Variants in ZNF597 observed in about 807,000 individuals in gnomAD.
ZNF597 encodes the protein zinc finger protein 597.
ZNF597 carries 5 observed loss-of-function variants against 7.3 expected under a neutral mutation model. That is an observed-to-expected ratio of 0.68 (90% CI 0.36 to 1.44). The LOEUF is 1.44. Ranked by LOEUF, ZNF597 falls within the 40% of genes most tolerant of loss-of-function variation. The probability of loss-of-function intolerance (pLI) is 0.04; values close to 1 mark genes in which losing one functional copy is unlikely to be tolerated. For synonymous variants in ZNF597, 209 were observed against 185.4 expected, an observed-to-expected ratio of 1.13 and a Z score of -1.04; for missense variants, 585 against 517.9, an observed-to-expected ratio of 1.13 and a Z score of -1.26.
chr16:3,443,166 G>T lies in ZNF597; in HGVS notation c.-13C>A, dbSNP rs2034418813. ...GCATGGACGCCATTTGGCGGGTGGG[G>T]AATGCCTTCTTCAAGACGCCACAGG... On this transcript the variant is annotated 5_prime_UTR_variant, in exon 2 of 4. Transcript: ENST00000301744. 6.2e-7 allele frequency: 1 copy of T among 1,611,888 alleles called. No homozygotes were observed. The highest frequency in any genetic ancestry group is 1.3e-5 in the African/African-American group (1 of 74,838).
rs368913525 is a variant in ZNF597, at chr16:3,440,255, G to A, written c.160+552C>T. On this transcript the variant is annotated intron_variant, in intron 3 of 3. Coordinates refer to ENST00000301744, the MANE Select transcript of ZNF597 (RefSeq NM_152457.3). ...GATTTCCCAAGTAAAATTGTAAACT[G>A]CAACAAATGTTTGTGAAAGATTACC... 2.0e-5 allele frequency among the ~76,000 whole-genome samples: 3 copies of A among 152,316 alleles called. No homozygotes were observed. In the East Asian group the frequency reaches 5.8e-4, roughly 29 times the overall value.
At chr16:3,443,313 G>A in intron 1 of ZNF597, 47 bp downstream of exon 1, 1 of 657,072 alleles carries the variant, frequency 1.5e-6, no homozygotes. Context: ...AAAAACCTAC[G>A]CCGACTGCTC....
In ZNF597 at chr16:3,436,865, A is replaced by G. The variant is rs774292995; in HGVS notation, c.834T>C (p.Asn278=). The change falls in exon 4 of 4, where the codon AAT becomes AAC. Residue 278 remains asparagine, a synonymous_variant. Coordinates refer to ENST00000301744, the MANE Select transcript of ZNF597 (RefSeq NM_152457.3). ...YESTNCDKHF[N]EKPNLALPEE... ...CAGGCAAAGCAAGATTTGGTTTCTCATTAAAATGTTTATCACAGTTAGTAG... is the reference window on the plus strand; with the variant it reads ...CAGGCAAAGCAAGATTTGGTTTCTCGTTAAAATGTTTATCACAGTTAGTAG... The G allele has an allele frequency of 1.7e-5, 28 of 1,614,198 alleles. No individual in the cohort carries two copies. The South Asian group carries it at 3.0e-4, about 17-fold the overall frequency.
chr16:3,437,158 C>G lies in ZNF597; in HGVS notation c.541G>C (p.Glu181Gln). The change falls in exon 4 of 4, where the codon GAG becomes CAG. Residue 181 changes from glutamate to glutamine, a missense_variant. By Grantham distance (29) the Glu-to-Gln change is conservative. Transcript: ENST00000301744. ...CAGTCACCACATTTATGTTTTTTCT[C>G]TCCTGAATGAATTTTCTGATGCAAA... The part of the protein sequence containing the change: ...LVLHQKIHSG[E>Q]KKHKCGDCGK... 1 of 1,614,152 alleles carries G rather than the reference C, an allele frequency of 6.2e-7. No individual in the cohort carries two copies. The highest frequency in any genetic ancestry group is 8.5e-7 in the Non-Finnish European group (1 of 1,180,022).
rs2034358648 is a variant in ZNF597, at chr16:3,440,791, A to G, written c.160+16T>C. 6.2e-7 allele frequency: 1 copy of G among 1,612,370 alleles called. No individual in the cohort carries two copies. On this transcript the variant is annotated intron_variant, in intron 3 of 3. Transcript: ENST00000301744. ...ATTGACAAAAGTTCCAGATGCAGGA[A>G]AAACAATTGCCTTACCCATCAAAGC...
At chr16:3,440,408 G>C (rs947207911) in intron 3 of ZNF597, among the ~76,000 whole-genome samples, 7 of 152,158 alleles carry the variant, frequency 4.6e-5, no homozygotes, top group Non-Finnish European at 1.0e-4. Flanking sequence ...GGCCGAGGCG[G>C]GTGATCACAA....
rs991344032 is a variant in ZNF597 at position 3,433,669 on chromosome 16, T to TA, written c.*2754dup. 6.6e-6 allele frequency: 1 copy of TA among 152,212 alleles called. No homozygotes were observed. Among genetic ancestry groups the TA allele is most frequent in the African/African-American group, 2.4e-5 (1 of 41,452 alleles). 9.4% of individuals were successfully genotyped at this position (152,212 alleles called of 1,614,324 possible). A position where few individuals can be genotyped will look rare whatever the true frequency, so the allele number is the denominator to read the frequency against. ...ACAGAAGGGTGAAATGCCATCATCA[T>TA]AAAAAGCCTGAAGCTCACCAGCAGA... On this transcript the variant is annotated 3_prime_UTR_variant, in exon 4 of 4. Transcript: ENST00000301744.
In ZNF597 at chr16:3,437,219, C is replaced by G; in HGVS notation, c.480G>C (p.Glu160Asp). The G allele has an allele frequency of 1.2e-6, 2 of 1,614,190 alleles. No homozygotes were observed. The highest frequency in any genetic ancestry group is 1.7e-6 in the Non-Finnish European group (2 of 1,180,042). ...AATGATCGCTGAAGTTTTGGTCACACTCAGGACATTTGTACACATTTTTGG... is the reference window on the plus strand; with the variant it reads ...AATGATCGCTGAAGTTTTGGTCACAGTCAGGACATTTGTACACATTTTTGG... ...EGAKNVYKCPECDQNFSDHSY... is the reference protein window; with the variant it reads ...EGAKNVYKCPDCDQNFSDHSY... The change falls in exon 4 of 4, where the codon GAG becomes GAC. Residue 160 changes from glutamate (E) to aspartate (D), a missense_variant. Coordinates refer to ENST00000301744, the MANE Select transcript of ZNF597 (RefSeq NM_152457.3).
chr16:3,437,908 G>A (rs776013632), intron 3 of ZNF597, among the ~76,000 whole-genome samples: 1 of 152,030 alleles, frequency 6.6e-6, no homozygotes, highest in Non-Finnish European at 1.5e-5. Flanking sequence ...TTAACAATTG[G>A]AAAAAAGATT....
chr16:3,438,221 A>AG (rs1185941881), intron 3 of ZNF597, among the ~76,000 whole-genome samples: 7 of 151,160 alleles, frequency 4.6e-5, no homozygotes, highest in Admixed American at 3.3e-4. Flanking sequence ...TTTCTTAAAA[A>AG]AAAAAAAAAA....
At position 3,437,134 on chromosome 16, in the gene ZNF597, A is replaced by C; in HGVS notation, c.565T>G (p.Cys189Gly). 6.2e-7 allele frequency: 1 copy of C among 1,614,188 alleles called. No homozygotes were observed. Among genetic ancestry groups the C allele is most frequent in the Non-Finnish European group, 8.5e-7 (1 of 1,180,034 alleles). The change falls in exon 4 of 4, where the codon TGT becomes GGT. Residue 189 changes from cysteine (C) to glycine (G), a missense_variant. Cys to Gly is a radical substitution (Grantham distance 159). Coordinates refer to ENST00000301744, the MANE Select transcript of ZNF597 (RefSeq NM_152457.3). Reference sequence around the variant, plus strand: ...GCTCTATGATTGAAGATCTTTCCACAGTCACCACATTTATGTTTTTTCTCT... The same window carrying C: ...GCTCTATGATTGAAGATCTTTCCACCGTCACCACATTTATGTTTTTTCTCT... ...SGEKKHKCGD[C>G]GKIFNHRANL...
In ZNF597 at chr16:3,432,563, A is replaced by G. The variant is rs1431495441; in HGVS notation, c.*3861T>C. 1.3e-5 allele frequency: 2 copies of G among 152,228 alleles called. No homozygotes were observed. The highest frequency in any genetic ancestry group is 2.9e-5 in the Non-Finnish European group (2 of 68,034). 9.4% of individuals were successfully genotyped at this position (152,228 alleles called of 1,614,324 possible). A position where few individuals can be genotyped will look rare whatever the true frequency, so the allele number is the denominator to read the frequency against. ...AACATTGAATAAACAGTATAAGTGT[A>G]TACAATAAATAGAATTCTGAGGTAT... On this transcript the variant is annotated 3_prime_UTR_variant, in exon 4 of 4. Coordinates refer to ENST00000301744, the MANE Select transcript of ZNF597 (RefSeq NM_152457.3).
At chr16:3,442,920 C>T (rs2034412110) in intron 2 of ZNF597, among the ~76,000 whole-genome samples, 1 of 152,122 alleles carries the variant, frequency 6.6e-6, no homozygotes, top group Admixed American at 6.5e-5. Context: ...GTCCCTGCTC[C>T]CAGTTGGTAG....
At chr16:3,439,114 C>T (rs1316929765) in intron 3 of ZNF597, among the ~76,000 whole-genome samples, 1 of 152,016 alleles carries the variant, frequency 6.6e-6, no homozygotes, top group African/African-American at 2.4e-5. Context: ...TACAGTGGCT[C>T]AAACCTGTAA....
rs1206593802 is a variant in ZNF597, at chr16:3,436,612, G to A, written c.1087C>T (p.His363Tyr). 2 of 1,605,296 alleles carry A rather than the reference G, an allele frequency of 1.2e-6. No homozygotes were observed. Among genetic ancestry groups the A allele is most frequent in the African/African-American group, 2.7e-5 (2 of 74,856 alleles). ...FSELISHQNI[H>Y]TEERPHKCKT... The stretch of plus-strand genomic sequence containing the variant: ...CACTTATGGGGCCTTTCCTCTGTAT[G>A]AATGTTCTGATGGGAAATAAGCTCA... The change falls in exon 4 of 4, where the codon CAT becomes TAT. Residue 363 changes from histidine to tyrosine, a missense_variant. Coordinates refer to ENST00000301744, the MANE Select transcript of ZNF597 (RefSeq NM_152457.3).
intron 3 of ZNF597, 40 bp downstream of exon 3, chr16:3,440,767 T>A (rs771730194): frequency 8.7e-6 from 14 of 1,610,784 alleles, no homozygotes; most frequent in Admixed American, 1.7e-5. Context: ...CCTCCTAGAA[T>A]TGACAAAAGT....
chr16:3,437,679 A>C, intron 3 of ZNF597, 141 bp from the exon 4 acceptor site: 3 of 1,349,204 alleles, frequency 2.2e-6, no homozygotes, highest in Non-Finnish European at 2.9e-6. Flanking sequence ...ACCACACAAA[A>C]TCAGGACCAA....
Position 3,443,346 on chromosome 16 carries a change from A to G in ZNF597, c.-54+14T>C. ...CTCCTCCTCTTGGCCCGGCCTCGAAAGGGGCCCACTTACCGCTCCGCGGTT... is the reference window on the plus strand; with the variant it reads ...CTCCTCCTCTTGGCCCGGCCTCGAAGGGGGCCCACTTACCGCTCCGCGGTT... On this transcript the variant is annotated intron_variant, in intron 1 of 3. Coordinates refer to ENST00000301744, the MANE Select transcript of ZNF597 (RefSeq NM_152457.3). 1.7e-6 allele frequency: 1 copy of G among 600,082 alleles called. No homozygotes were observed. Among genetic ancestry groups the G allele is most frequent in the Non-Finnish European group, 2.8e-6 (1 of 352,112 alleles). 37.2% of individuals were successfully genotyped at this position (600,082 alleles called of 1,614,324 possible). A position where few individuals can be genotyped will look rare whatever the true frequency, so the allele number is the denominator to read the frequency against.
At position 3,436,690 on chromosome 16, in the gene ZNF597, T is replaced by C. The variant is rs748201248; in HGVS notation, c.1009A>G (p.Lys337Glu). The change falls in exon 4 of 4, where the codon AAA becomes GAA. Residue 337 changes from lysine (K) to glutamate (E), a missense_variant. Transcript: ENST00000301744. ...DDGDNFFSFSKFKPLQCPDCD... is the reference protein window; with the variant it reads ...DDGDNFFSFSEFKPLQCPDCD... ...TCAGGACACTGTAAGGGCTTGAATT[T>C]TGAGAATGAGAAGAAATTGTCCCCA... 2 of 1,613,902 alleles carry C rather than the reference T, an allele frequency of 1.2e-6. No homozygotes were observed. Among genetic ancestry groups the C allele is most frequent in the South Asian group, 1.1e-5 (1 of 91,060 alleles).
Sources: gnomAD v4.1 joint callset for allele counts (sites outside exome capture counted in the v4.1 genomes callset) on GRCh38, gnomAD v4.1.1 for gene constraint, MANE v1.5 for transcripts, NCBI Gene and HGNC (gene_info 2026-07-23, HGNC 2026-07-21) for gene names.